The following NUB1 variants were observed in gnomAD, a reference collection of about 807,000 sequenced individuals.
The protein encoded by NUB1 is NEDD8 ultimate buster 1.
In NUB1, 41 loss-of-function variants were observed where a neutral mutation model predicts 77.1. The observed-to-expected ratio is 0.53, with a 90% confidence interval of 0.41 to 0.69. The LOEUF is 0.69. Among genes scored for constraint, NUB1 ranks in the 30% least tolerant of loss-of-function variants. NUB1 has a pLI of 0.00. For synonymous variants in NUB1, 257 were observed against 281.0 expected (o/e 0.91, Z 0.85); for missense variants, 643 against 743.8 (o/e 0.86, Z 1.58).
At chr7:151,373,007 A>C (rs764284550) in intron 11 of NUB1, among the ~76,000 whole-genome samples, 1 of 152,096 alleles carries the variant, frequency 6.6e-6, no homozygotes, top group African/African-American at 2.4e-5. Flanking sequence ...GCCTGCTCCT[A>C]CTGTGGGGCC....
chr7:151,368,897 T>G lies in NUB1; in HGVS notation c.1248+10T>G. 6.2e-7 allele frequency: 1 copy of G among 1,609,462 alleles called. No homozygotes were observed. Among genetic ancestry groups the G allele is most frequent in the Non-Finnish European group, 8.5e-7 (1 of 1,177,752 alleles). The stretch of plus-strand genomic sequence containing the variant: ...TACCAACCGCAGAGAGGTACCCACT[T>G]TCACATGCCCTAGCTCTCTTGGGTA... On this transcript the variant is annotated intron_variant, in intron 11 of 14. Coordinates refer to ENST00000568733, the MANE Select transcript of NUB1 (RefSeq NM_001243351.2).
intron 8 of NUB1, among the ~76,000 whole-genome samples, chr7:151,365,405 A>T (rs1298664820): frequency 6.6e-6 from 1 of 151,716 alleles, no homozygotes; most frequent in African/African-American, 2.4e-5. Context: ...TTTAACTGAC[A>T]TGAGGCCATT....
At chr7:151,375,254 CG>C (rs1266153185) in intron 12 of NUB1, among the ~76,000 whole-genome samples, 3 of 152,148 alleles carry the variant, frequency 2.0e-5, no homozygotes, top group African/African-American at 7.2e-5. Flanking sequence ...TCATCTAGTT[CG>C]TTTTTTTGTG....
At chr7:151,345,866 G>GT (rs1235540983) in intron 2 of NUB1, among the ~76,000 whole-genome samples, 4 of 151,894 alleles carry the variant, frequency 2.6e-5, no homozygotes, top group African/African-American at 7.3e-5. Flanking sequence ...TTTTCCCCCA[G>GT]TTTTTTTGAT....
intron 11 of NUB1, 187 bp downstream of exon 11, chr7:151,369,074 C>G: frequency 1.8e-6 from 1 of 555,696 alleles, no homozygotes; most frequent in East Asian, 3.8e-5. Flanking sequence ...GTGGCACGAT[C>G]TTGGCTCACT....
chr7:151,377,400 C>T lies in NUB1; in HGVS notation c.*175C>T, dbSNP rs74644100. 6.9e-3 allele frequency: 3,252 copies of T among 469,196 alleles called. 107 individuals carry two copies. Among genetic ancestry groups the T allele is most frequent in the African/African-American group, 0.06 (2,976 of 49,798 alleles). The allele number at this position is 469,196 out of a possible 1,614,324, so 29.1% of individuals were successfully genotyped here. The stretch of plus-strand genomic sequence containing the variant: ...GTCCCAGGGCCTTCATGCGTGGTCT[C>T]GGGGAAGAAGCTTCCTCTGGCCTGG... On this transcript the variant is annotated 3_prime_UTR_variant, in exon 15 of 15. Coordinates refer to ENST00000568733, the MANE Select transcript of NUB1 (RefSeq NM_001243351.2).
At chr7:151,347,466 C>CT (rs891480621) in intron 2 of NUB1, among the ~76,000 whole-genome samples, 27 of 150,886 alleles carry the variant, frequency 1.8e-4, no homozygotes, top group Middle Eastern at 3.4e-3. Flanking sequence ...ATTTTTTTTC[C>CT]TTTTTTTTTG....
intron 11 of NUB1, among the ~76,000 whole-genome samples, chr7:151,372,199 CTT>C (rs1432190584): frequency 5.9e-5 from 9 of 152,200 alleles, no homozygotes; most frequent in Non-Finnish European, 1.2e-4. Flanking sequence ...GTGCCTCTCT[CTT>C]GAGATCTGAT....
At chr7:151,376,283 G>A (rs1350252868) in intron 13 of NUB1, 5 of 468,450 alleles carry the variant, frequency 1.1e-5, no homozygotes, top group Non-Finnish European at 1.9e-5. Context: ...TGTATCCCAA[G>A]TGACGGCTCT....
At chr7:151,373,426 G>A (rs1417729167) in intron 11 of NUB1, among the ~76,000 whole-genome samples, 1 of 152,188 alleles carries the variant, frequency 6.6e-6, no homozygotes, top group East Asian at 1.9e-4. Context: ...GAGGTGAAGA[G>A]ACTAGAACCC....
chr7:151,344,289 A>G (rs927425496), intron 1 of NUB1, among the ~76,000 whole-genome samples: 2 of 150,586 alleles, frequency 1.3e-5, no homozygotes, highest in Admixed American at 6.6e-5. Flanking sequence ...AATTTAAAAA[A>G]TTCTGACATA....
At position 151,367,008 on chromosome 7, in the gene NUB1, T is replaced by G; in HGVS notation, c.870T>G (p.Cys290Trp). 6.2e-7 allele frequency: 1 copy of G among 1,613,856 alleles called. No individual in the cohort carries two copies. Among genetic ancestry groups the G allele is most frequent in the Non-Finnish European group, 8.5e-7 (1 of 1,179,766 alleles). Reference sequence around the variant, plus strand: ...TCCTCCAGCTGGATATAGTGTGGTGTTACTTCCGCCTGGAACAGCTGGAAT... The same window carrying G: ...TCCTCCAGCTGGATATAGTGTGGTGGTACTTCCGCCTGGAACAGCTGGAAT... ...YAVLQLDIVWCYFRLEQLECL... is the reference protein window; with the variant it reads ...YAVLQLDIVWWYFRLEQLECL... The change falls in exon 9 of 15, where the codon TGT (cysteine) becomes TGG (tryptophan). Residue 290 changes from cysteine (C) to tryptophan (W), a missense_variant. By Grantham distance (215) the Cys-to-Trp change is radical. Transcript: ENST00000568733.
intron 11 of NUB1, among the ~76,000 whole-genome samples, chr7:151,372,474 C>T (rs1434676441): frequency 6.6e-5 from 10 of 152,268 alleles, no homozygotes; most frequent in South Asian, 2.1e-4. Flanking sequence ...ATGTTAGGTG[C>T]GCTTCTTAGC....
intron 13 of NUB1, chr7:151,376,186 G>A (rs1050835740): frequency 2.0e-6 from 1 of 511,242 alleles, no homozygotes; most frequent in African/African-American, 1.9e-5. Flanking sequence ...TGCTGCCTTT[G>A]TCTATGCACC....
rs544721138 is a variant in NUB1 at position 151,354,473 on chromosome 7, ATTATTTG to A, written c.416-1288_416-1282del. Among the ~76,000 whole-genome samples, 159 of 151,990 alleles carry A rather than the reference ATTATTTG, an allele frequency of 1.0e-3. 1 individual carries two copies. Among genetic ancestry groups the A allele is most frequent in the African/African-American group, 3.7e-3 (153 of 41,472 alleles). On this transcript the variant is annotated intron_variant, in intron 5 of 14. Coordinates refer to ENST00000568733, the MANE Select transcript of NUB1 (RefSeq NM_001243351.2). Reference sequence around the variant, plus strand: ...ACATTTGTGTTTTTTAGTTCACAATATTATTTGTTATTTTAAAATCTGTTTGCATCTA... The same window carrying A: ...ACATTTGTGTTTTTTAGTTCACAATATTATTTTAAAATCTGTTTGCATCTA...
chr7:151,373,768 C>A (rs555815579), intron 11 of NUB1, among the ~76,000 whole-genome samples: 1 of 152,372 alleles, frequency 6.6e-6, no homozygotes, highest in East Asian at 1.9e-4. Flanking sequence ...ACCTCACACC[C>A]GCGACCTCTG....
At chr7:151,344,312 A>G (rs897121997) in intron 1 of NUB1, among the ~76,000 whole-genome samples, 3 of 148,580 alleles carry the variant, frequency 2.0e-5, no homozygotes, top group African/African-American at 7.4e-5. Context: ...AAATATTTAT[A>G]TATTTATTAT....
Position 151,374,345 on chromosome 7 carries a change from G to C in NUB1, c.1395+102G>C, listed in dbSNP as rs772248122. ...GCATCCTCCCGGGCTCACTCCTATG[G>C]GCTGCCCCGTCATCCGGATCTGAAG... On this transcript the variant is annotated intron_variant, in intron 12 of 14. Coordinates refer to ENST00000568733, the MANE Select transcript of NUB1 (RefSeq NM_001243351.2). The C allele has an allele frequency of 7.1e-6, 10 of 1,399,962 alleles. No homozygotes were observed. In the Admixed American group the frequency reaches 1.8e-4, roughly 25 times the overall value. 86.7% of individuals were successfully genotyped at this position (1,399,962 alleles called of 1,614,324 possible). A position where few individuals can be genotyped will look rare whatever the true frequency, so the allele number is the denominator to read the frequency against.
chr7:151,363,385 A>G (rs771833370), intron 8 of NUB1, among the ~76,000 whole-genome samples: 16 of 152,178 alleles, frequency 1.1e-4, no homozygotes, highest in Admixed American at 7.9e-4. Flanking sequence ...AATAGACACT[A>G]TAGAAGAGAA....
Sources: gnomAD v4.1 joint callset for allele counts (sites outside exome capture counted in the v4.1 genomes callset) on GRCh38, gnomAD v4.1.1 for gene constraint, MANE v1.5 for transcripts, NCBI Gene and HGNC (gene_info 2026-07-23, HGNC 2026-07-21) for gene names.